Variants in NLGN4X observed in about 807,000 individuals in gnomAD.
NLGN4X encodes neuroligin-4, X-linked.
A neutral mutation model predicts 40.3 loss-of-function variants in NLGN4X; 3 were observed. The observed-to-expected ratio is 0.07, with a 90% CI of 0.03 to 0.19. The LOEUF (loss-of-function observed/expected upper bound fraction) is 0.19. NLGN4X is among the 10% of genes least tolerant of loss of function. The pLI is 1.00. For missense variants in NLGN4X, 382 were observed against 708.3 expected, an observed-to-expected ratio of 0.54 and a Z score of 5.23; for synonymous variants, 270 against 306.8, an observed-to-expected ratio of 0.88 and a Z score of 1.25.
chrX:6,032,455 T>C (rs1392712495), intron 2 of NLGN4X, among the ~76,000 whole-genome samples: 2 of 109,709 alleles, frequency 1.8e-5, no homozygotes, highest in African/African-American at 6.6e-5. Context: ...CATTACTCTT[T>C]TCATGTTTAG....
chrX:5,984,380 C>CAA (rs549401348), intron 3 of NLGN4X, among the ~76,000 whole-genome samples: 31 of 91,356 alleles, frequency 3.4e-4, no homozygotes, highest in African/African-American at 1.0e-3. Context: ...ATACAAAATA[C>CAA]AAAAAAAAAA....
At chrX:6,146,902 T>C (rs2040058559) in intron 2 of NLGN4X, among the ~76,000 whole-genome samples, 1 of 110,375 alleles carries the variant, frequency 9.1e-6, no homozygotes, top group Non-Finnish European at 1.9e-5. Context: ...GTCATTCTCC[T>C]GCCTCAGCCT....
At chrX:6,216,949 C>T (rs993363564) in intron 1 of NLGN4X, among the ~76,000 whole-genome samples, 1 of 111,625 alleles carries the variant, frequency 9.0e-6, no homozygotes, top group African/African-American at 3.3e-5. Flanking sequence ...ACCACCACAC[C>T]TGACTTATTT....
At chrX:6,140,708 G>T (rs1242935368) in intron 2 of NLGN4X, among the ~76,000 whole-genome samples, 1 of 107,542 alleles carries the variant, frequency 9.3e-6, no homozygotes, top group African/African-American at 3.4e-5. Flanking sequence ...CCCTCAAGTA[G>T]CTGGGACTAC....
intron 3 of NLGN4X, among the ~76,000 whole-genome samples, chrX:5,912,050 CA>C (rs771606535): frequency 8.9e-6 from 1 of 112,110 alleles, no homozygotes; most frequent in East Asian, 2.8e-4. Context: ...GCAACTTCCC[CA>C]ATCACTAGAA....
Position 6,037,443 on chromosome X carries a change from T to C in NLGN4X, c.473-8011A>G, listed in dbSNP as rs772284689. Among the ~76,000 whole-genome samples the C allele has an allele frequency of 2.2e-4, 24 of 111,455 alleles. No individual in the cohort carries two copies. The East Asian group carries it at 6.5e-3, about 30-fold the overall frequency. On this transcript the variant is annotated intron_variant, in intron 2 of 5. Transcript: ENST00000381095. ...TAACATTACAAGTCAGAAAAACAAT[T>C]TAAATCTGTATTTTTAATATATATT...
chrX:6,188,430 C>T (rs777555757), intron 1 of NLGN4X, among the ~76,000 whole-genome samples: 3 of 111,453 alleles, frequency 2.7e-5, no homozygotes, highest in Admixed American at 9.5e-5. Flanking sequence ...ATAGAGATTG[C>T]GCGTGTATTT....
chrX:6,113,882 G>A (rs1177785180), intron 2 of NLGN4X, among the ~76,000 whole-genome samples: 5 of 111,111 alleles, frequency 4.5e-5, no homozygotes, highest in African/African-American at 6.5e-5. Flanking sequence ...GTGCAGTGGC[G>A]CAATCTCAGC....
intron 2 of NLGN4X, among the ~76,000 whole-genome samples, chrX:6,032,405 CAA>C (rs34229775): frequency 2.9e-4 from 19 of 65,617 alleles, no homozygotes; most frequent in Non-Finnish European, 2.7e-4. Flanking sequence ...GCGACCAAGC[CAA>C]AAAAAAAAAA....
At chrX:6,036,124 CCTG>C (rs746674288) in intron 2 of NLGN4X, among the ~76,000 whole-genome samples, 90 of 111,575 alleles carry the variant, frequency 8.1e-4, no homozygotes, top group Non-Finnish European at 1.6e-3. Context: ...ATGTGAGTTG[CCTG>C]CTATCTTGAT....
chrX:6,221,391 T>TTATATATATATATA (rs60897428), intron 1 of NLGN4X, among the ~76,000 whole-genome samples: 225 of 53,279 alleles, frequency 4.2e-3, no homozygotes, highest in Non-Finnish European at 5.0e-3. Flanking sequence ...CCTTCTTATA[T>TTATATATATATATA]TATATATATA....
At chrX:6,135,193 G>T (rs990044281) in intron 2 of NLGN4X, among the ~76,000 whole-genome samples, 1 of 111,690 alleles carries the variant, frequency 9.0e-6, no homozygotes, top group Non-Finnish European at 1.9e-5. Flanking sequence ...ACCCAGGAGT[G>T]TCCCAGGAGG....
At chrX:5,937,366 T>C (rs916972979) in intron 3 of NLGN4X, among the ~76,000 whole-genome samples, 1 of 111,316 alleles carries the variant, frequency 9.0e-6, no homozygotes. Context: ...GATTTCTGAA[T>C]TGAGAAGTGA....
chrX:5,918,372 G>C (rs1407323319), intron 3 of NLGN4X, among the ~76,000 whole-genome samples: 1 of 111,875 alleles, frequency 8.9e-6, no homozygotes, highest in Non-Finnish European at 1.9e-5. Flanking sequence ...ATTCATATTA[G>C]ATGAATGAAA....
At chrX:6,219,103 T>A (rs1363799467) in intron 1 of NLGN4X, among the ~76,000 whole-genome samples, 1 of 63,030 alleles carries the variant, frequency 1.6e-5, no homozygotes, top group African/African-American at 6.5e-5. Flanking sequence ...GTATGAAAAG[T>A]ACATGCAAAT....
intron 3 of NLGN4X, among the ~76,000 whole-genome samples, chrX:5,910,935 C>T (rs2032447451): frequency 9.0e-6 from 1 of 111,322 alleles, no homozygotes; most frequent in Admixed American, 9.6e-5. Flanking sequence ...TGCGATCAGA[C>T]ATTACCCAAG....
chrX:5,943,415 G>A (rs776454778), intron 3 of NLGN4X, among the ~76,000 whole-genome samples: 9 of 111,735 alleles, frequency 8.1e-5, no homozygotes, highest in East Asian at 5.7e-4. Context: ...GAAACCATCC[G>A]AGCTACTCAC....
At chrX:6,180,038 T>C (rs1276713887) in intron 1 of NLGN4X, among the ~76,000 whole-genome samples, 4 of 111,369 alleles carry the variant, frequency 3.6e-5, no homozygotes, top group Non-Finnish European at 7.5e-5. Context: ...AGATCTCTTC[T>C]AGTTTTTAGT....
intron 1 of NLGN4X, among the ~76,000 whole-genome samples, chrX:6,222,738 C>G (rs1302928603): frequency 8.9e-6 from 1 of 112,478 alleles, no homozygotes; most frequent in Non-Finnish European, 1.9e-5. Context: ...CCCCACGTGT[C>G]GTGGAGGGAT....
Sources: gnomAD v4.1 joint callset for allele counts (sites outside exome capture counted in the v4.1 genomes callset) on GRCh38, gnomAD v4.1.1 for gene constraint, MANE v1.5 for transcripts, NCBI Gene and HGNC (gene_info 2026-07-23, HGNC 2026-07-21) for gene names.